Variants in AK7 observed in about 807,000 individuals in gnomAD.
AK7 encodes ATP-AMP transphosphorylase 7.
AK7 carries 78 observed loss-of-function variants against 96.6 expected under a neutral mutation model. The ratio of observed to expected loss-of-function variants is 0.81; its 90% confidence interval spans 0.67 to 0.97. AK7 has a LOEUF of 0.97. AK7 is among the 50% of genes least tolerant of loss of function. The pLI is 0.00. For synonymous variants in AK7, 302 were observed against 317.2 expected, an observed-to-expected ratio of 0.95 and a Z score of 0.51; for missense variants, 855 against 887.9, an observed-to-expected ratio of 0.96 and a Z score of 0.47.
At chr14:96,487,084 T>C (rs750329155) in intron 17 of AK7, 28 bp downstream of exon 17, 2 of 1,612,210 alleles carry the variant, frequency 1.2e-6, no homozygotes, top group Admixed American at 1.7e-5. Flanking sequence ...TAAAAAAAGA[T>C]CAATTTGAGT....
In AK7 at chr14:96,447,651, G is replaced by T. The variant is rs568685951; in HGVS notation, c.870+1044G>T. Among the ~76,000 whole-genome samples the T allele has an allele frequency of 3.9e-5, 6 of 152,002 alleles. No homozygotes were observed. The South Asian group carries it at 1.0e-3, about 26-fold the overall frequency. ...TTGTTTTTAATGTTTTAGAGACAGGGTCTTGCTCTGTCACCCAGGCTGGAA... is the reference window on the plus strand; with the variant it reads ...TTGTTTTTAATGTTTTAGAGACAGGTTCTTGCTCTGTCACCCAGGCTGGAA... On this transcript the variant is annotated intron_variant, in intron 8 of 17. Coordinates refer to ENST00000267584, the MANE Select transcript of AK7 (RefSeq NM_152327.5).
chr14:96,433,609 G>A (rs955701219), intron 5 of AK7, among the ~76,000 whole-genome samples: 1 of 152,130 alleles, frequency 6.6e-6, no homozygotes, highest in Non-Finnish European at 1.5e-5. Context: ...CTTGCGATGT[G>A]TTCGAACATC....
At chr14:96,487,917 T>A (rs1895862928) in intron 17 of AK7, 1 of 302,768 alleles carries the variant, frequency 3.3e-6, no homozygotes, top group African/African-American at 2.3e-5. Context: ...TTTATTTATT[T>A]ATTATTTATT....
chr14:96,441,363 G>C (rs1892946007), intron 6 of AK7, among the ~76,000 whole-genome samples: 1 of 152,250 alleles, frequency 6.6e-6, no homozygotes, highest in East Asian at 1.9e-4. Flanking sequence ...ATGAGGCCAG[G>C]CATGGTGGTT....
chr14:96,461,353 C>A (rs979348578), intron 12 of AK7, among the ~76,000 whole-genome samples: 1 of 152,162 alleles, frequency 6.6e-6, no homozygotes, highest in East Asian at 1.9e-4. Context: ...CAAGATAAGA[C>A]ATTCCATTGT....
chr14:96,462,009 C>G (rs1407983481), intron 12 of AK7, among the ~76,000 whole-genome samples: 1 of 152,160 alleles, frequency 6.6e-6, no homozygotes, highest in African/African-American at 2.4e-5. Context: ...GGTGACCACA[C>G]AGAACAAGAA....
At chr14:96,420,544 T>A (rs113915250) in intron 4 of AK7, among the ~76,000 whole-genome samples, 13 of 149,404 alleles carry the variant, frequency 8.7e-5, no homozygotes, top group Admixed American at 3.3e-4. Flanking sequence ...AAATGAAATA[T>A]AATAAAATAA....
At chr14:96,439,298 T>C (rs1181754460) in intron 6 of AK7, among the ~76,000 whole-genome samples, 2 of 150,312 alleles carry the variant, frequency 1.3e-5, no homozygotes, top group African/African-American at 4.9e-5. Context: ...TATAGGGAAA[T>C]GGGAAGGAAT....
chr14:96,420,164 C>G (rs1330178513), intron 4 of AK7, among the ~76,000 whole-genome samples: 1 of 151,358 alleles, frequency 6.6e-6, no homozygotes, highest in Non-Finnish European at 1.5e-5. Flanking sequence ...CTGCGCCTGG[C>G]CTCCTAAAGC....
At chr14:96,479,723 G>A (rs2140172695) in intron 15 of AK7, among the ~76,000 whole-genome samples, 1 of 152,254 alleles carries the variant, frequency 6.6e-6, no homozygotes, top group South Asian at 2.1e-4. Context: ...CCCTTGGCTT[G>A]TTGAACCCCT....
intron 2 of AK7, among the ~76,000 whole-genome samples, chr14:96,401,168 T>A (rs575369483): frequency 1.8e-4 from 27 of 152,086 alleles, no homozygotes; most frequent in Non-Finnish European, 2.8e-4. Flanking sequence ...ACCCTAATGA[T>A]CCACAGATGA....
intron 2 of AK7, among the ~76,000 whole-genome samples, chr14:96,402,185 G>GCACA (rs34222287): frequency 0.12 from 17,633 of 146,130 alleles, 1,050 homozygotes; most frequent in Non-Finnish European, 0.14. Context: ...ATACACAGAT[G>GCACA]CACACACACA....
chr14:96,421,056 AG>A (rs1255590899), intron 5 of AK7, 124 bp downstream of exon 5: 19 of 610,300 alleles, frequency 3.1e-5, no homozygotes, highest in Non-Finnish European at 4.8e-5. Context: ...CACTGTCCTT[AG>A]GGGTCCTGGC....
chr14:96,472,591 A>G, intron 13 of AK7, 96 bp from the exon 14 acceptor site: 1 of 856,580 alleles, frequency 1.2e-6, no homozygotes, highest in Non-Finnish European at 1.9e-6. Flanking sequence ...GCTAGTTTTC[A>G]TTAGTGCTTG....
At chr14:96,444,806 C>T (rs1226711526) in intron 7 of AK7, among the ~76,000 whole-genome samples, 2 of 152,084 alleles carry the variant, frequency 1.3e-5, no homozygotes, top group African/African-American at 2.4e-5. Context: ...CAACCTCCGC[C>T]TCCTGGGTTC....
At chr14:96,449,295 GT>G (rs1228707547) in intron 8 of AK7, among the ~76,000 whole-genome samples, 2 of 152,176 alleles carry the variant, frequency 1.3e-5, no homozygotes, top group African/African-American at 2.4e-5. Context: ...TCTGTGTACA[GT>G]TCTGTCTCTC....
At chr14:96,394,588 T>C (rs750962970) in intron 1 of AK7, among the ~76,000 whole-genome samples, 3 of 152,184 alleles carry the variant, frequency 2.0e-5, no homozygotes, top group Non-Finnish European at 4.4e-5. Flanking sequence ...GAGGGCCAGG[T>C]CATGGATGGC....
At chr14:96,469,243 G>A (rs893943254) in intron 12 of AK7, among the ~76,000 whole-genome samples, 15 of 152,198 alleles carry the variant, frequency 9.9e-5, no homozygotes, top group Admixed American at 1.3e-4. Flanking sequence ...GACTTAGGCC[G>A]GGGGCGGCGG....
intron 4 of AK7, among the ~76,000 whole-genome samples, chr14:96,415,822 A>G (rs1566768710): frequency 6.6e-6 from 1 of 150,788 alleles, no homozygotes; most frequent in African/African-American, 2.4e-5. Context: ...TACATTAATT[A>G]AATAATTAAG....
Sources: allele counts gnomAD v4.1 joint callset (sites outside exome capture counted in the v4.1 genomes callset), GRCh38; gene constraint gnomAD v4.1.1; transcripts MANE v1.5; gene names NCBI Gene and HGNC (gene_info 2026-07-23, HGNC 2026-07-21).